OPCML: variants seen among roughly 807,000 people sequenced by gnomAD.
OPCML encodes the protein opioid-binding protein/cell adhesion molecule.
A neutral mutation model predicts 37.8 loss-of-function variants in OPCML; 13 were observed. The observed-to-expected ratio is 0.34, with a 90% CI of 0.22 to 0.55. The LOEUF (loss-of-function observed/expected upper bound fraction) is 0.55. Ranked by LOEUF, OPCML falls within the 20% of genes least tolerant of loss-of-function variation. The pLI is 0.91. For missense variants in OPCML, 341 were observed against 435.6 expected (o/e 0.78, Z 1.93); for synonymous variants, 176 against 168.8 (o/e 1.04, Z -0.33).
intron 1 of OPCML, among the ~76,000 whole-genome samples, chr11:133,388,105 G>A (rs7484185): frequency 3.3e-5 from 5 of 152,162 alleles, no homozygotes; most frequent in South Asian, 2.1e-4. Flanking sequence ...TCCTCCCTTA[G>A]AGGGCCGCTG....
chr11:133,079,771 A>G (rs571877043), intron 1 of OPCML, among the ~76,000 whole-genome samples: 1 of 152,134 alleles, frequency 6.6e-6, no homozygotes, highest in African/African-American at 2.4e-5. Flanking sequence ...GGTGAGAGGA[A>G]GGACCTATAT....
At chr11:133,341,744 C>A (rs560488850) in intron 1 of OPCML, among the ~76,000 whole-genome samples, 1 of 152,258 alleles carries the variant, frequency 6.6e-6, no homozygotes. Flanking sequence ...CATGGCAAAA[C>A]CCCATCTCTA....
intron 1 of OPCML, among the ~76,000 whole-genome samples, chr11:132,962,108 T>G (rs1392697742): frequency 9.2e-5 from 14 of 152,272 alleles, no homozygotes; most frequent in Admixed American, 7.9e-4. Context: ...CCGTGCTCAG[T>G]GCATGTTTGC....
chr11:132,960,918 G>A (rs1315966960), intron 1 of OPCML, among the ~76,000 whole-genome samples: 7 of 152,214 alleles, frequency 4.6e-5, no homozygotes, highest in African/African-American at 1.4e-4. Flanking sequence ...TGAGGCTGCA[G>A]TGATGCTGAG....
chr11:132,674,989 T>G (rs546896572), intron 2 of OPCML, among the ~76,000 whole-genome samples: 3 of 152,306 alleles, frequency 2.0e-5, no homozygotes, highest in South Asian at 2.1e-4. Context: ...CTACTATTCA[T>G]ATGTTCCTTG....
At chr11:132,432,059 T>C (rs2095998857) in intron 7 of OPCML, among the ~76,000 whole-genome samples, 1 of 152,212 alleles carries the variant, frequency 6.6e-6, no homozygotes, top group South Asian at 2.1e-4. Flanking sequence ...TCTTATGAGC[T>C]GGATTGCAAT....
intron 3 of OPCML, among the ~76,000 whole-genome samples, chr11:132,561,260 T>G (rs1037475450): frequency 1.3e-5 from 2 of 152,262 alleles, no homozygotes; most frequent in Non-Finnish European, 2.9e-5. Flanking sequence ...CCTGGCTTGC[T>G]GCCTTGAGAT....
chr11:133,459,585 A>G (rs1946812722), intron 1 of OPCML, among the ~76,000 whole-genome samples: 1 of 152,226 alleles, frequency 6.6e-6, no homozygotes, highest in Admixed American at 6.5e-5. Flanking sequence ...AAAACGGCCA[A>G]CTAATATTAG....
intron 2 of OPCML, among the ~76,000 whole-genome samples, chr11:132,822,984 A>G (rs563341070): frequency 2.6e-5 from 4 of 152,238 alleles, no homozygotes; most frequent in Admixed American, 2.6e-4. Flanking sequence ...TGCAAAGTGC[A>G]CTTTATGAAT....
chr11:133,162,352 G>A (rs571942909), intron 1 of OPCML, among the ~76,000 whole-genome samples: 3 of 152,290 alleles, frequency 2.0e-5, no homozygotes, highest in South Asian at 2.1e-4. Flanking sequence ...TGCCCTCCAC[G>A]TGCCCCAGAA....
At chr11:133,511,762 T>C (rs1248452898) in intron 1 of OPCML, among the ~76,000 whole-genome samples, 1 of 152,120 alleles carries the variant, frequency 6.6e-6, no homozygotes, top group Admixed American at 6.5e-5. Context: ...AAAATTTATC[T>C]ACATGCTATG....
chr11:133,377,756 T>G (rs1025883885), intron 1 of OPCML, among the ~76,000 whole-genome samples: 1 of 152,142 alleles, frequency 6.6e-6, no homozygotes, highest in African/African-American at 2.4e-5. Flanking sequence ...CATGGTTCAT[T>G]TATTTCATTC....
intron 3 of OPCML, among the ~76,000 whole-genome samples, chr11:132,549,617 G>A (rs2096376895): frequency 6.6e-6 from 1 of 152,214 alleles, no homozygotes; most frequent in Non-Finnish European, 1.5e-5. Context: ...CTAACAAAGA[G>A]TAGCCTGTAA....
At chr11:133,279,012 A>G (rs1942067887) in intron 1 of OPCML, among the ~76,000 whole-genome samples, 1 of 152,216 alleles carries the variant, frequency 6.6e-6, no homozygotes, top group Admixed American at 6.5e-5. Context: ...CTGGATTAAC[A>G]AATGCTAGCG....
chr11:133,105,705 G>T (rs1949146020), intron 1 of OPCML, among the ~76,000 whole-genome samples: 1 of 152,208 alleles, frequency 6.6e-6, no homozygotes, highest in African/African-American at 2.4e-5. Context: ...AAGAGGCTGG[G>T]CACGGTAGCT....
chr11:132,534,847 G>A (rs893533309), intron 3 of OPCML, among the ~76,000 whole-genome samples: 1 of 152,070 alleles, frequency 6.6e-6, no homozygotes, highest in African/African-American at 2.4e-5. Context: ...AATGTTAGCT[G>A]TTATTAGCCT....
chr11:132,840,075 G>A (rs1000726583), intron 2 of OPCML, among the ~76,000 whole-genome samples: 1 of 152,116 alleles, frequency 6.6e-6, no homozygotes, highest in Admixed American at 6.5e-5. Flanking sequence ...ATAAAGAAAT[G>A]AGGACAGTGG....
intron 1 of OPCML, among the ~76,000 whole-genome samples, chr11:133,295,739 G>C (rs1565555697): frequency 6.6e-6 from 1 of 152,176 alleles, no homozygotes; most frequent in East Asian, 1.9e-4. Context: ...TCTATAAATT[G>C]TAGATAATTG....
chr11:133,484,241 C>T (rs1388230584), intron 1 of OPCML, among the ~76,000 whole-genome samples: 1 of 152,012 alleles, frequency 6.6e-6, no homozygotes, highest in African/African-American at 2.4e-5. Context: ...TTATTCTTTA[C>T]AGGGGGATGG....
Sources: gnomAD v4.1 joint callset for allele counts (sites outside exome capture counted in the v4.1 genomes callset) on GRCh38, gnomAD v4.1.1 for gene constraint, MANE v1.5 for transcripts, NCBI Gene and HGNC (gene_info 2026-07-23, HGNC 2026-07-21) for gene names.